SAMD5: variants seen among roughly 807,000 people sequenced by gnomAD.
SAMD5 encodes sterile alpha motif domain containing 5, also known as sterile alpha motif domain-containing protein 5.
In SAMD5, 13 loss-of-function variants were observed where a neutral mutation model predicts 11.3. The observed-to-expected ratio is 1.15, with a 90% CI of 0.75 to 1.83. The LOEUF is 1.83. SAMD5 is among the 40% of genes most tolerant of loss of function. The pLI is 0.00. For synonymous variants in SAMD5, 129 were observed against 111.3 expected (o/e 1.16, Z -1.00); for missense variants, 255 against 239.1 (o/e 1.07, Z -0.44).
At chr6:147,580,873 A>T (rs1332470815) in intron 1 of SAMD5, among the ~76,000 whole-genome samples, 1 of 151,488 alleles carries the variant, frequency 6.6e-6, no homozygotes, top group Admixed American at 6.6e-5. Flanking sequence ...AGAGAATGTC[A>T]CTCTTTGTCT....
At chr6:147,761,312 T>G in the SAMD5 span, among the ~76,000 whole-genome samples, 2 of 152,200 alleles carry the variant, frequency 1.3e-5, no homozygotes, top group African/African-American at 4.8e-5. Flanking sequence ...GTGAACTTGC[T>G]TATTGGAAAT....
chr6:147,815,385 C>T, the SAMD5 span, among the ~76,000 whole-genome samples: 3 of 152,094 alleles, frequency 2.0e-5, no homozygotes, highest in South Asian at 2.1e-4. Context: ...ACTCTGTTGT[C>T]GAAGAGCAGA....
At chr6:147,854,958 A>C in the SAMD5 span, among the ~76,000 whole-genome samples, 1 of 152,174 alleles carries the variant, frequency 6.6e-6, no homozygotes, top group South Asian at 2.1e-4. Flanking sequence ...CTGAAATAAC[A>C]GTGCACAGTT....
chr6:147,730,173 G>C (rs1791693540), intron 1 of SAMD5: 1 of 416,680 alleles, frequency 2.4e-6, no homozygotes, highest in Non-Finnish European at 4.6e-6. Flanking sequence ...TTTCGGGAAA[G>C]AGCCTTGGGG....
intron 1 of SAMD5, among the ~76,000 whole-genome samples, chr6:147,609,233 G>T (rs1789745953): frequency 6.6e-6 from 1 of 152,128 alleles, no homozygotes; most frequent in South Asian, 2.1e-4. Context: ...AATATGACTT[G>T]TGTCCTCATA....
chr6:147,934,507 C>A, the SAMD5 span, among the ~76,000 whole-genome samples: 3 of 152,020 alleles, frequency 2.0e-5, no homozygotes, highest in African/African-American at 7.3e-5. Context: ...AACGAAAATG[C>A]ATGAAATGGA....
intron 1 of SAMD5, among the ~76,000 whole-genome samples, chr6:147,626,696 G>A (rs1279384919): frequency 6.9e-6 from 1 of 144,552 alleles, no homozygotes; most frequent in Non-Finnish European, 1.5e-5. Flanking sequence ...GCTCTTCTCT[G>A]TAATCTCAGC....
At chr6:147,689,247 A>AG (rs1791065260) in intron 1 of SAMD5, among the ~76,000 whole-genome samples, 1 of 152,220 alleles carries the variant, frequency 6.6e-6, no homozygotes, top group Admixed American at 6.5e-5. Context: ...ATTCAAGGCC[A>AG]GGGGTTTGGC....
At chr6:147,582,326 C>G (rs13197586) in intron 1 of SAMD5, among the ~76,000 whole-genome samples, 1 of 101,108 alleles carries the variant, frequency 9.9e-6, no homozygotes, top group East Asian at 3.5e-4. Flanking sequence ...GAGATCCGCA[C>G]CCCCCCACCA....
At chr6:147,901,856 C>T in the SAMD5 span, among the ~76,000 whole-genome samples, 1 of 152,168 alleles carries the variant, frequency 6.6e-6, no homozygotes, top group East Asian at 1.9e-4. Context: ...CATTAGGAAT[C>T]CCCTACCAAT....
At chr6:147,618,444 G>T (rs935976107) in intron 1 of SAMD5, among the ~76,000 whole-genome samples, 1 of 152,226 alleles carries the variant, frequency 6.6e-6, no homozygotes, top group Non-Finnish European at 1.5e-5. Context: ...AGGTGGGGCT[G>T]ATTGGAGCCT....
the SAMD5 span, among the ~76,000 whole-genome samples, chr6:147,929,423 C>T: frequency 6.6e-6 from 1 of 152,104 alleles, no homozygotes. Flanking sequence ...CCTATCACAC[C>T]TAACACCCCG....
At chr6:147,914,838 G>C in the SAMD5 span, among the ~76,000 whole-genome samples, 1 of 152,104 alleles carries the variant, frequency 6.6e-6, no homozygotes, top group Non-Finnish European at 1.5e-5. Flanking sequence ...AATGTCACCT[G>C]TAATATTCAG....
chr6:147,669,684 G>A (rs1340923649), intron 1 of SAMD5, among the ~76,000 whole-genome samples: 1 of 151,932 alleles, frequency 6.6e-6, no homozygotes, highest in Admixed American at 6.5e-5. Flanking sequence ...CCTCGCCTCA[G>A]CCTCCTAAAG....
At chr6:147,604,296 A>G (rs988399936) in intron 1 of SAMD5, among the ~76,000 whole-genome samples, 1 of 151,958 alleles carries the variant, frequency 6.6e-6, no homozygotes, top group African/African-American at 2.4e-5. Flanking sequence ...CATTTTTAAC[A>G]TTGCCCTTAA....
At chr6:147,662,650 C>T (rs747114124) in intron 1 of SAMD5, among the ~76,000 whole-genome samples, 2 of 152,134 alleles carry the variant, frequency 1.3e-5, no homozygotes, top group Non-Finnish European at 1.5e-5. Flanking sequence ...CACTTAGATT[C>T]TTTATCATGG....
In SAMD5 at chr6:147,656,904, G is replaced by A. The variant is rs1297449182; in HGVS notation, c.163-80413G>A. Reference sequence around the variant, plus strand: ...ACCTCCAACAATACAGTATACGTGTGTGTGTGTGTGTGTGTGTGTGTGTGT... The same window carrying A: ...ACCTCCAACAATACAGTATACGTGTATGTGTGTGTGTGTGTGTGTGTGTGT... On this transcript the variant is annotated intron_variant, in intron 1 of 1. Coordinates refer to the SAMD5 transcript ENST00000566741. Among the ~76,000 whole-genome samples the A allele has an allele frequency of 1.0e-4, 4 of 38,218 alleles. No individual in the cohort carries two copies. The East Asian group carries it at 2.4e-3, about 23-fold the overall frequency. 25.1% of individuals were successfully genotyped at this position (38,218 alleles called of 152,430 possible).
At chr6:147,794,737 A>G in the SAMD5 span, among the ~76,000 whole-genome samples, 2 of 152,192 alleles carry the variant, frequency 1.3e-5, no homozygotes, top group Non-Finnish European at 2.9e-5. Context: ...AGGCACAGTA[A>G]TACGTAAAGA....
At chr6:147,768,074 TA>T in the SAMD5 span, among the ~76,000 whole-genome samples, 5 of 152,234 alleles carry the variant, frequency 3.3e-5, no homozygotes, top group Non-Finnish European at 7.3e-5. Context: ...ACAGTTACTT[TA>T]AAATTAACAA....
Sources: allele counts gnomAD v4.1 joint callset (sites outside exome capture counted in the v4.1 genomes callset), GRCh38; gene constraint gnomAD v4.1.1; transcripts MANE v1.5; gene names NCBI Gene and HGNC (gene_info 2026-07-23, HGNC 2026-07-21).